ARPP19: variants seen among roughly 807,000 people sequenced by gnomAD.
ARPP19 encodes the protein cAMP-regulated phosphoprotein 19.
In ARPP19, 8 loss-of-function variants were observed where a neutral mutation model predicts 12.0. The observed-to-expected ratio is 0.67, with a 90% CI of 0.39 to 1.21. The LOEUF (loss-of-function observed/expected upper bound fraction) is 1.21. Among genes scored for constraint, ARPP19 ranks in the 50% most tolerant of loss-of-function variants. The pLI, the probability that ARPP19 is intolerant of heterozygous loss-of-function variation, is 0.01. For synonymous variants in ARPP19, 47 were observed against 50.4 expected, an observed-to-expected ratio of 0.93 and a Z score of 0.29; for missense variants, 102 against 136.3, an observed-to-expected ratio of 0.75 and a Z score of 1.25.
At chr15:52,554,443 A>T (rs2077963454) in intron 2 of ARPP19, among the ~76,000 whole-genome samples, 1 of 14,616 alleles carries the variant, frequency 6.8e-5, no homozygotes, top group East Asian at 0.011. Flanking sequence ...TTTAAGATAG[A>T]GAAGTGAACT....
intron 2 of ARPP19, among the ~76,000 whole-genome samples, chr15:52,554,515 A>C (rs2077964401): frequency 6.6e-6 from 1 of 152,210 alleles, no homozygotes; most frequent in African/African-American, 2.4e-5. Flanking sequence ...AACAATCTCT[A>C]AATTTCATGA....
rs141450289 is a variant in ARPP19, at chr15:52,548,791, G to T, written c.*3143C>A. 3,340 of 152,646 alleles carry T rather than the reference G, an allele frequency of 0.022. 43 individuals are homozygous for T. Among genetic ancestry groups the T allele is most frequent in the Non-Finnish European group, 0.029 (2,003 of 68,010 alleles). The allele number at this position is 152,646 out of a possible 1,614,324, so 9.5% of individuals were successfully genotyped here. On this transcript the variant is annotated 3_prime_UTR_variant, in exon 3 of 3. Coordinates refer to ENST00000249822, the MANE Select transcript of ARPP19 (RefSeq NM_006628.6). ...GCTTCCATAAAACTTTACTAATTTG[G>T]ATTAAGAACACAAGCCTGATTTAGT...
chr15:52,561,655 T>TAA (rs1814462211), intron 1 of ARPP19, among the ~76,000 whole-genome samples: 2 of 148,688 alleles, frequency 1.3e-5, no homozygotes, highest in African/African-American at 5.0e-5. Context: ...GGAAGAAAAA[T>TAA]AAAAAAAATT....
In ARPP19 at chr15:52,549,791, A is replaced by T. The variant is rs2077912213; in HGVS notation, c.*2143T>A. 1 of 152,628 alleles carries T rather than the reference A, an allele frequency of 6.6e-6. No individual in the cohort carries two copies. The highest frequency in any genetic ancestry group is 2.4e-5 in the African/African-American group (1 of 41,458). 9.5% of individuals were successfully genotyped at this position (152,628 alleles called of 1,614,324 possible). A position where few individuals can be genotyped will look rare whatever the true frequency, so the allele number is the denominator to read the frequency against. On this transcript the variant is annotated 3_prime_UTR_variant, in exon 3 of 3. Coordinates refer to ENST00000249822, the MANE Select transcript of ARPP19 (RefSeq NM_006628.6). ...TGAAAAAAACCAAGACTAGATATAG[A>T]AATTCTACTCTGGGTTATTTTAAAC...
intron 1 of ARPP19, chr15:52,564,391 G>T: frequency 1.6e-6 from 1 of 610,422 alleles, no homozygotes; most frequent in South Asian, 2.0e-5. Context: ...CAGCCTGGGC[G>T]ACAGAGTAAG....
chr15:52,552,168 G>C (rs776897303), intron 2 of ARPP19, 64 bp from the exon 3 acceptor site: 1 of 910,078 alleles, frequency 1.1e-6, no homozygotes, highest in Non-Finnish European at 1.8e-6. Context: ...AGATGTCGAT[G>C]CAACCCCATA....
intron 2 of ARPP19, among the ~76,000 whole-genome samples, chr15:52,553,711 C>T (rs2077956308): frequency 6.6e-6 from 1 of 151,932 alleles, no homozygotes; most frequent in Non-Finnish European, 1.5e-5. Context: ...GGGAAGAAAA[C>T]AGATAATATT....
chr15:52,562,655 T>A (rs1337246167), intron 1 of ARPP19, among the ~76,000 whole-genome samples: 1 of 151,716 alleles, frequency 6.6e-6, no homozygotes, highest in Non-Finnish European at 1.5e-5. Context: ...AACAAAACCC[T>A]ACACATACCA....
chr15:52,559,602 C>T (rs1483664387), intron 1 of ARPP19, among the ~76,000 whole-genome samples: 2 of 152,144 alleles, frequency 1.3e-5, no homozygotes, highest in South Asian at 2.1e-4. Context: ...ATTTTTTTCC[C>T]TTACTAACAT....
At chr15:52,566,915 G>T (rs1476151337) in intron 1 of ARPP19, among the ~76,000 whole-genome samples, 5 of 152,316 alleles carry the variant, frequency 3.3e-5, no homozygotes, top group African/African-American at 1.2e-4. Context: ...GCAAGGCCCA[G>T]CTATCTACCT....
At chr15:52,557,440 C>G in intron 1 of ARPP19, 1 of 472,992 alleles carries the variant, frequency 2.1e-6, no homozygotes, top group Non-Finnish European at 3.8e-6. Flanking sequence ...GTGTAACACC[C>G]CACACACTGG....
At chr15:52,554,816 C>A (rs1448910757) in intron 2 of ARPP19, among the ~76,000 whole-genome samples, 1 of 152,108 alleles carries the variant, frequency 6.6e-6, no homozygotes, top group Non-Finnish European at 1.5e-5. Context: ...TCCCTCCCAG[C>A]TCTGATAATC....
Position 52,568,977 on chromosome 15 carries a change from T to A in ARPP19, c.-85A>T, listed in dbSNP as rs1386646497. 17 of 1,023,840 alleles carry A rather than the reference T, an allele frequency of 1.7e-5. No homozygotes were observed. The East Asian group carries it at 4.9e-4, about 29-fold the overall frequency. 63.4% of individuals were successfully genotyped at this position (1,023,840 alleles called of 1,614,324 possible). ...ACCCGGCCGCCGCCCGTCCCAGCTC[T>A]CCCAGGGCCCGCCGGGCCGCCTCCG... On this transcript the variant is annotated 5_prime_UTR_variant, in exon 1 of 3. Coordinates refer to ENST00000249822, the MANE Select transcript of ARPP19 (RefSeq NM_006628.6).
chr15:52,561,695 G>C lies in ARPP19; in HGVS notation c.46-4473C>G, dbSNP rs968745863. On this transcript the variant is annotated intron_variant, in intron 1 of 2. Transcript: ENST00000249822. Reference sequence around the variant, plus strand: ...ATACCAAAAAGAAACCAAACATAAGGAGAAACAAATCCCAATATGTTAATA... The same window carrying C: ...ATACCAAAAAGAAACCAAACATAAGCAGAAACAAATCCCAATATGTTAATA... Among the ~76,000 whole-genome samples the C allele has an allele frequency of 1.3e-5, 2 of 150,908 alleles. 1 individual carries two copies. The highest frequency in any genetic ancestry group is 6.4e-3 in the Middle Eastern group (2 of 312).
chr15:52,556,696 G>A (rs559623630), intron 2 of ARPP19, among the ~76,000 whole-genome samples: 2 of 152,108 alleles, frequency 1.3e-5, no homozygotes, highest in Non-Finnish European at 2.9e-5. Context: ...CCAGCTTCTG[G>A]ATAGTGGCTG....
rs1161183017 is a variant in ARPP19, at chr15:52,547,201, TACC to T, written c.*4730_*4732del. On this transcript the variant is annotated 3_prime_UTR_variant, in exon 3 of 3. Transcript: ENST00000249822. ...TTCAGAAAAAATACACTGAAAAACA[TACC>T]ACTTTAATAAGACAAAACTGCAAAT... 1 of 150,754 alleles carries T rather than the reference TACC, an allele frequency of 6.6e-6. No individual in the cohort carries two copies. Among genetic ancestry groups the T allele is most frequent in the Non-Finnish European group, 1.5e-5 (1 of 67,776 alleles). The allele number at this position is 150,754 out of a possible 1,614,324, so 9.3% of individuals were successfully genotyped here. A position where few individuals can be genotyped will look rare whatever the true frequency, so the allele number is the denominator to read the frequency against.
chr15:52,558,331 T>A (rs1298161279), intron 1 of ARPP19, among the ~76,000 whole-genome samples: 1 of 151,886 alleles, frequency 6.6e-6, no homozygotes, highest in Non-Finnish European at 1.5e-5. Context: ...ATGTCTGTGG[T>A]TCCAGCTACT....
intron 1 of ARPP19, among the ~76,000 whole-genome samples, chr15:52,558,784 TAA>T (rs201468639): frequency 7.3e-4 from 98 of 134,916 alleles, no homozygotes; most frequent in Non-Finnish European, 9.7e-4. Flanking sequence ...ATTCATACAT[TAA>T]AAAAAAAAAA....
In ARPP19 at chr15:52,557,144, T is replaced by G; in HGVS notation, c.124A>C (p.Lys42Gln). ...LKARYPHLGQ[K>Q]PGGSDFLRKR... ...CTTAAGAAATCTGAACCTCCAGGCT[T>G]TTGTCCCAGATGAGGATATCTTGCT... is the stretch of plus-strand genomic sequence containing the variant. The change falls in exon 2 of 3, where the codon AAG becomes CAG. Residue 42 changes from lysine to glutamine, a missense_variant. By Grantham distance (53) the Lys-to-Gln change is moderately conservative. Coordinates refer to ENST00000249822, the MANE Select transcript of ARPP19 (RefSeq NM_006628.6). 4 of 1,612,842 alleles carry G rather than the reference T, an allele frequency of 2.5e-6. No individual in the cohort carries two copies. Among genetic ancestry groups the G allele is most frequent in the Non-Finnish European group, 2.5e-6 (3 of 1,179,858 alleles).
Sources: allele counts gnomAD v4.1 joint callset (sites outside exome capture counted in the v4.1 genomes callset), GRCh38; gene constraint gnomAD v4.1.1; transcripts MANE v1.5; gene names NCBI Gene and HGNC (gene_info 2026-07-23, HGNC 2026-07-21).